The following CNKSR2 variants were observed in gnomAD, a reference collection of about 807,000 sequenced individuals.
CNKSR2 encodes CNK homolog protein 2.
A neutral mutation model predicts 84.4 loss-of-function variants in CNKSR2; 14 were observed. The observed-to-expected ratio is 0.17, with a 90% CI of 0.11 to 0.26. The LOEUF is 0.26. Among genes scored for constraint, CNKSR2 ranks in the 10% least tolerant of loss-of-function variants. CNKSR2 has a pLI of 1.00. For missense variants in CNKSR2, 485 were observed against 771.2 expected (o/e 0.63, Z 4.40); for synonymous variants, 275 against 277.9 (o/e 0.99, Z 0.10).
At chrX:21,432,586 T>C in intron 2 of CNKSR2, 26 bp from the exon 3 acceptor site, 1 of 1,014,170 alleles carries the variant, frequency 9.9e-7, no homozygotes, top group Non-Finnish European at 1.4e-6. Context: ...ACTTTAAATA[T>C]ATTCTCTCTC....
chrX:21,528,885 A>G (rs1209812809), intron 10 of CNKSR2, among the ~76,000 whole-genome samples: 2 of 111,241 alleles, frequency 1.8e-5, no homozygotes, highest in Non-Finnish European at 3.8e-5. Flanking sequence ...CCACAGCCTT[A>G]TATAAATGTC....
chrX:21,438,840 C>T (rs1233459572), intron 3 of CNKSR2, among the ~76,000 whole-genome samples: 2 of 110,486 alleles, frequency 1.8e-5, no homozygotes, highest in South Asian at 3.8e-4. Flanking sequence ...AAAAACAAAG[C>T]CCACCAAAAC....
intron 20 of CNKSR2, chrX:21,641,802 GC>G: frequency 1.0e-6 from 1 of 987,089 alleles, no homozygotes; most frequent in South Asian, 3.9e-5. Flanking sequence ...TATAAGAGGG[GC>G]AGGCCACTCT....
At position 21,609,397 on chromosome X, in the gene CNKSR2, C is replaced by T. The variant is rs774273471; in HGVS notation, c.2472C>T (p.Tyr824=). The T allele has an allele frequency of 4.9e-5, 59 of 1,209,528 alleles. No homozygotes were observed. In the Middle Eastern group the frequency reaches 3.2e-3, roughly 66 times the overall value. The part of the protein sequence containing the change: ...KCHLQDHYGP[Y]PLAESERMQV... ...ACCTGCAGGATCACTATGGGCCATACCCCTTAGCTGAGAGTGAGAGGATGC... is the reference window on the plus strand; with the variant it reads ...ACCTGCAGGATCACTATGGGCCATATCCCTTAGCTGAGAGTGAGAGGATGC... The change falls in exon 20 of 22, where the codon TAC becomes TAT. Residue 824 remains tyrosine, a synonymous_variant. Transcript: ENST00000379510.
intron 8 of CNKSR2, among the ~76,000 whole-genome samples, chrX:21,512,792 G>A (rs189196323): frequency 4.5e-4 from 50 of 111,560 alleles, no homozygotes; most frequent in African/African-American, 1.4e-3. Flanking sequence ...GTGAATGAAA[G>A]TAAAGAGATA....
chrX:21,584,738 C>G (rs1431220223), intron 13 of CNKSR2, among the ~76,000 whole-genome samples: 1 of 111,346 alleles, frequency 9.0e-6, no homozygotes, highest in East Asian at 2.8e-4. Context: ...TTGGCATAAT[C>G]TAAGAACAGC....
chrX:21,393,024 C>G (rs1289600598), intron 1 of CNKSR2, among the ~76,000 whole-genome samples: 1 of 111,998 alleles, frequency 8.9e-6, no homozygotes, highest in Non-Finnish European at 1.9e-5. Flanking sequence ...AAGAAACTGA[C>G]AGAAAACTTA....
intron 4 of CNKSR2, among the ~76,000 whole-genome samples, chrX:21,468,415 A>C (rs774727597): frequency 9.0e-6 from 1 of 111,152 alleles, no homozygotes; most frequent in South Asian, 3.8e-4. Flanking sequence ...TAGATGCTCA[A>C]ATTGTTCCAT....
intron 1 of CNKSR2, among the ~76,000 whole-genome samples, chrX:21,410,639 A>G (rs1438722828): frequency 8.9e-6 from 1 of 111,844 alleles, no homozygotes; most frequent in African/African-American, 3.2e-5. Flanking sequence ...ATAAGATACT[A>G]ACATTCATAG....
intron 8 of CNKSR2, among the ~76,000 whole-genome samples, chrX:21,507,997 C>A (rs1353966134): frequency 1.8e-5 from 2 of 111,342 alleles, no homozygotes; most frequent in Non-Finnish European, 3.8e-5. Context: ...AACTTAATAA[C>A]CCATGTAAAT....
chrX:21,384,786 A>AT (rs1196931014), intron 1 of CNKSR2, among the ~76,000 whole-genome samples: 3 of 111,994 alleles, frequency 2.7e-5, no homozygotes, highest in Non-Finnish European at 5.6e-5. Context: ...ATCAGTCTTT[A>AT]TTTTTTGGAG....
At chrX:21,424,897 T>C (rs2090545028) in intron 1 of CNKSR2, 2 of 111,982 alleles carry the variant, frequency 1.8e-5, no homozygotes, top group South Asian at 7.4e-4. Flanking sequence ...TTATTTTATT[T>C]ACAAATAACT....
chrX:21,375,627 A>G (rs1192365334), intron 1 of CNKSR2, among the ~76,000 whole-genome samples: 3 of 112,046 alleles, frequency 2.7e-5, no homozygotes, highest in Non-Finnish European at 5.6e-5. Flanking sequence ...ATCCCCTCGC[A>G]TCCTTTGCCT....
intron 20 of CNKSR2, chrX:21,641,718 T>A (rs1043645953): frequency 1.9e-6 from 2 of 1,063,211 alleles, no homozygotes; most frequent in African/African-American, 3.8e-5. Context: ...TCGTCCTTGC[T>A]GTTTATAACA....
intron 1 of CNKSR2, among the ~76,000 whole-genome samples, chrX:21,400,947 T>C (rs1380710977): frequency 8.9e-6 from 1 of 111,749 alleles, no homozygotes; most frequent in African/African-American, 3.2e-5. Flanking sequence ...GACTCCTTTC[T>C]TTCTTACTTC....
chrX:21,515,192 T>A (rs966043606), intron 8 of CNKSR2, among the ~76,000 whole-genome samples: 3 of 111,583 alleles, frequency 2.7e-5, no homozygotes, highest in African/African-American at 9.7e-5. Flanking sequence ...ATAGTTGAGG[T>A]TGCAATTTAG....
intron 4 of CNKSR2, among the ~76,000 whole-genome samples, chrX:21,454,971 T>C (rs2090979722): frequency 9.0e-6 from 1 of 111,295 alleles, no homozygotes; most frequent in Non-Finnish European, 1.9e-5. Flanking sequence ...CTAAATAACC[T>C]CTCTATATGG....
At chrX:21,417,921 A>G (rs1451583770) in intron 1 of CNKSR2, among the ~76,000 whole-genome samples, 1 of 111,416 alleles carries the variant, frequency 9.0e-6, no homozygotes, top group Non-Finnish European at 1.9e-5. Context: ...ACTGTTGATA[A>G]GTAAAGACTT....
At chrX:21,537,463 T>C (rs1398278848) in intron 11 of CNKSR2, among the ~76,000 whole-genome samples, 1 of 111,615 alleles carries the variant, frequency 9.0e-6, no homozygotes, top group Non-Finnish European at 1.9e-5. Flanking sequence ...GAGTTGGGTG[T>C]TAAGTCCATA....
Sources: allele counts gnomAD v4.1 joint callset (sites outside exome capture counted in the v4.1 genomes callset), GRCh38; gene constraint gnomAD v4.1.1; transcripts MANE v1.5; gene names NCBI Gene and HGNC (gene_info 2026-07-23, HGNC 2026-07-21).